The following SHPRH variants were observed in gnomAD, a reference collection of about 807,000 sequenced individuals.
The protein encoded by SHPRH is SNF2 histone linker PHD RING helicase, also known as E3 ubiquitin-protein ligase SHPRH.
In SHPRH, 106 loss-of-function variants were observed where a neutral mutation model predicts 202.5. That is an observed-to-expected ratio of 0.52 (90% CI 0.45 to 0.62). The LOEUF (loss-of-function observed/expected upper bound fraction) is 0.62, where lower values mean the gene tolerates loss of function less well. SHPRH is among the 20% of genes least tolerant of loss of function. The pLI, the probability that SHPRH is intolerant of heterozygous loss-of-function variation, is 0.00. For missense variants in SHPRH, 1,710 were observed against 2,020.0 expected (o/e 0.85, Z 2.94); for synonymous variants, 729 against 686.0 (o/e 1.06, Z -0.98).
chr6:145,903,050 A>AT (rs1027865612), intron 25 of SHPRH, among the ~76,000 whole-genome samples: 2 of 151,664 alleles, frequency 1.3e-5, no homozygotes, highest in Admixed American at 6.6e-5. Context: ...TAGAAATGGT[A>AT]TTTTTTTTGC....
At chr6:145,916,600 A>G (rs1783974457) in intron 23 of SHPRH, among the ~76,000 whole-genome samples, 1 of 152,122 alleles carries the variant, frequency 6.6e-6, no homozygotes, top group South Asian at 2.1e-4. Flanking sequence ...TCTTTTATTA[A>G]CAGCCAAATT....
At chr6:145,913,261 C>T (rs1161464052) in intron 24 of SHPRH, among the ~76,000 whole-genome samples, 1 of 152,084 alleles carries the variant, frequency 6.6e-6, no homozygotes, top group Non-Finnish European at 1.5e-5. Context: ...TGGCGTCATT[C>T]TAGAAATATT....
chr6:145,915,553 A>C (rs1307649659), intron 23 of SHPRH, among the ~76,000 whole-genome samples: 1 of 151,966 alleles, frequency 6.6e-6, no homozygotes, highest in East Asian at 1.9e-4. Context: ...ATTTTCTTTA[A>C]GTATAGAACT....
intron 14 of SHPRH, 108 bp downstream of exon 14, chr6:145,932,949 T>C: frequency 8.0e-7 from 1 of 1,252,998 alleles, no homozygotes; most frequent in Non-Finnish European, 1.1e-6. Context: ...TGAGAGTATC[T>C]TTTTGGGGGA....
Position 145,884,888 on chromosome 6 carries a change from T to G in SHPRH, c.*1803A>C, listed in dbSNP as rs1780862916. ...CAGTTTTTGTCTAATACAGATAGGT[T>G]TTTTTATATATATGTAATTTGATTT... On this transcript the variant is annotated 3_prime_UTR_variant, in exon 30 of 30. Transcript: ENST00000275233. 6.6e-6 allele frequency: 1 copy of G among 152,090 alleles called. No individual in the cohort carries two copies. Among genetic ancestry groups the G allele is most frequent in the Non-Finnish European group, 1.5e-5 (1 of 68,006 alleles). 9.4% of individuals were successfully genotyped at this position (152,090 alleles called of 1,614,324 possible).
At chr6:145,922,135 C>T in intron 20 of SHPRH, 151 bp downstream of exon 20, 5 of 628,882 alleles carry the variant, frequency 8.0e-6, no homozygotes, top group South Asian at 2.3e-5. Flanking sequence ...GCATATTAAA[C>T]AATCAAATAC....
At chr6:145,875,873 G>A (rs1780277990) in intron 2 of SHPRH, among the ~76,000 whole-genome samples, 1 of 152,138 alleles carries the variant, frequency 6.6e-6, no homozygotes, top group Non-Finnish European at 1.5e-5. Flanking sequence ...TCTTTACAAT[G>A]TGTGCTTCAT....
downstream of SHPRH, among the ~76,000 whole-genome samples, chr6:145,881,223 G>C (rs1312649643): frequency 6.6e-6 from 1 of 152,004 alleles, no homozygotes; most frequent in Non-Finnish European, 1.5e-5. Flanking sequence ...TAAATTCTTT[G>C]TTGTTGTTTG....
chr6:145,907,124 C>T (rs1290844413), intron 25 of SHPRH: 1 of 152,070 alleles, frequency 6.6e-6, no homozygotes. Context: ...ATGTCTTAGG[C>T]ACCTTAAATA....
chr6:145,937,603 T>C (rs1162431904), intron 11 of SHPRH, among the ~76,000 whole-genome samples: 1 of 152,122 alleles, frequency 6.6e-6, no homozygotes, highest in Non-Finnish European at 1.5e-5. Context: ...GTTTAAATCG[T>C]TTCAATAGCT....
At chr6:145,906,776 A>G (rs1782999653) in intron 25 of SHPRH, 1 of 152,032 alleles carries the variant, frequency 6.6e-6, no homozygotes, top group African/African-American at 2.4e-5. Flanking sequence ...ATCCCTCCCA[A>G]TCTGCTTTCT....
At chr6:145,947,674 T>C (rs547090645) in intron 5 of SHPRH, 31 bp from the exon 6 acceptor site, 16 of 1,607,438 alleles carry the variant, frequency 1.0e-5, no homozygotes, top group African/African-American at 9.4e-5. Flanking sequence ...AATCACATCA[T>C]AGGAATGTGA....
intron 13 of SHPRH, 98 bp downstream of exon 13, chr6:145,934,809 T>G: frequency 8.3e-7 from 1 of 1,199,780 alleles, no homozygotes; most frequent in Non-Finnish European, 1.2e-6. Flanking sequence ...TAAAGATAAC[T>G]GACAACTCAG....
chr6:145,938,358 C>G (rs949774591), intron 11 of SHPRH, among the ~76,000 whole-genome samples: 3 of 152,162 alleles, frequency 2.0e-5, no homozygotes, highest in African/African-American at 7.2e-5. Flanking sequence ...ATGCGCCAGC[C>G]TCTAGAATTG....
downstream of SHPRH, among the ~76,000 whole-genome samples, chr6:145,859,292 T>C (rs1779509769): frequency 6.6e-6 from 1 of 152,028 alleles, no homozygotes; most frequent in African/African-American, 2.4e-5. Flanking sequence ...AGTTGTTACA[T>C]GTCTCTAATT....
chr6:145,868,880 G>T (rs920043121), intron 2 of SHPRH, among the ~76,000 whole-genome samples: 10 of 152,122 alleles, frequency 6.6e-5, no homozygotes, highest in African/African-American at 2.4e-4. Context: ...TAAAAATATT[G>T]AATTATAATT....
At chr6:145,910,404 A>T (rs1307552593) in intron 25 of SHPRH, 44 bp downstream of exon 25, 1 of 1,592,976 alleles carries the variant, frequency 6.3e-7, no homozygotes, top group East Asian at 2.2e-5. Context: ...TTCCTATATT[A>T]TATTGCCTTA....
Position 145,907,430 on chromosome 6 carries a change from A to T in SHPRH, c.4515+3018T>A, listed in dbSNP as rs1481807812. On this transcript the variant is annotated intron_variant, in intron 25 of 29. Coordinates refer to ENST00000275233, the MANE Select transcript of SHPRH (RefSeq NM_001042683.3). The stretch of plus-strand genomic sequence containing the variant: ...ATCATCTGTTTTCCACACAAGAGAG[A>T]TCTTTTTGAAATCCAAATTTGATCA... 3.3e-5 allele frequency: 5 copies of T among 152,122 alleles called. No homozygotes were observed. In the East Asian group the frequency reaches 9.7e-4, roughly 29 times the overall value. 9.4% of individuals were successfully genotyped at this position (152,122 alleles called of 1,614,324 possible).
chr6:145,928,531 G>A (rs897326837), intron 14 of SHPRH, among the ~76,000 whole-genome samples: 4 of 151,732 alleles, frequency 2.6e-5, no homozygotes, highest in Admixed American at 6.6e-5. Context: ...TAGTTACAAT[G>A]AGATATATAT....
Sources: gnomAD v4.1 joint callset for allele counts (sites outside exome capture counted in the v4.1 genomes callset) on GRCh38, gnomAD v4.1.1 for gene constraint, MANE v1.5 for transcripts, NCBI Gene and HGNC (gene_info 2026-07-23, HGNC 2026-07-21) for gene names.